NUDT6: variants seen among roughly 807,000 people sequenced by gnomAD.
NUDT6 encodes nudix hydrolase 6.
In NUDT6, 24 loss-of-function variants were observed where a neutral mutation model predicts 36.8. The observed-to-expected ratio is 0.65, with a 90% confidence interval of 0.47 to 0.92. NUDT6 has a LOEUF of 0.92. Among genes scored for constraint, NUDT6 ranks in the 40% least tolerant of loss-of-function variants. NUDT6 has a pLI of 0.00. For synonymous variants in NUDT6, 163 were observed against 157.0 expected (o/e 1.04, Z -0.29); for missense variants, 388 against 392.8 (o/e 0.99, Z 0.10).
chr4:122,917,973 C>A, intron 1 of NUDT6: 1 of 409,806 alleles, frequency 2.4e-6, no homozygotes, highest in South Asian at 2.9e-5. Context: ...ATGCTTGGCA[C>A]GTAACAGATG....
At chr4:122,919,109 C>T (rs888135109) in intron 1 of NUDT6, 1 of 152,268 alleles carries the variant, frequency 6.6e-6, no homozygotes, top group African/African-American at 2.4e-5. Flanking sequence ...GATGGCTGCC[C>T]AGCCCTGACC....
At chr4:122,900,064 C>CG (rs923900899) in intron 3 of NUDT6, among the ~76,000 whole-genome samples, 1 of 135,498 alleles carries the variant, frequency 7.4e-6, no homozygotes, top group African/African-American at 2.8e-5. Context: ...GCCACCCCCC[C>CG]CCCGGCCCCC....
At position 122,922,594 on chromosome 4, in the gene NUDT6, C is replaced by A. The variant is rs762372671; in HGVS notation, c.-22G>T. The A allele has an allele frequency of 2.5e-6, 4 of 1,579,050 alleles. No homozygotes were observed. Among genetic ancestry groups the A allele is most frequent in the Admixed American group, 1.7e-5 (1 of 58,450 alleles). Reference sequence around the variant, plus strand: ...GCATCTCCACGCCGCTTAATTCGTCCGTTGCCCAAATGACCCCTCCGCGCT... The same window carrying A: ...GCATCTCCACGCCGCTTAATTCGTCAGTTGCCCAAATGACCCCTCCGCGCT... On this transcript the variant is annotated 5_prime_UTR_variant, in exon 1 of 5. Coordinates refer to ENST00000304430, the MANE Select transcript of NUDT6 (RefSeq NM_007083.5).
intron 2 of NUDT6, among the ~76,000 whole-genome samples, chr4:122,915,478 A>AG (rs1560773807): frequency 1.2e-5 from 1 of 80,534 alleles, no homozygotes; most frequent in Non-Finnish European, 2.8e-5. Flanking sequence ...TCAAAAAAAA[A>AG]AAAAAAAAAA....
intron 3 of NUDT6, among the ~76,000 whole-genome samples, chr4:122,899,459 G>A (rs2150800502): frequency 6.6e-6 from 1 of 152,146 alleles, no homozygotes; most frequent in East Asian, 1.9e-4. Flanking sequence ...CACCACTTAG[G>A]TTTTTAAAAT....
intron 3 of NUDT6, among the ~76,000 whole-genome samples, chr4:122,911,643 C>T (rs944947236): frequency 6.6e-6 from 1 of 152,172 alleles, no homozygotes; most frequent in Admixed American, 6.5e-5. Context: ...TTTCAGCTAT[C>T]ATTACAAACA....
At chr4:122,919,423 G>A (rs1045957371) in intron 1 of NUDT6, 1 of 152,192 alleles carries the variant, frequency 6.6e-6, no homozygotes, top group African/African-American at 2.4e-5. Flanking sequence ...CATCATATTG[G>A]CCAGGATGGT....
chr4:122,899,995 T>C (rs1412336927), intron 3 of NUDT6, among the ~76,000 whole-genome samples: 1 of 151,620 alleles, frequency 6.6e-6, no homozygotes, highest in Non-Finnish European at 1.5e-5. Context: ...AGTACAGATT[T>C]AATGACAAAG....
intron 3 of NUDT6, among the ~76,000 whole-genome samples, chr4:122,902,089 T>C (rs1487579336): frequency 6.6e-6 from 1 of 152,224 alleles, no homozygotes; most frequent in African/African-American, 2.4e-5. Flanking sequence ...AATTCAGACC[T>C]ACTGTATTTA....
In NUDT6 at chr4:122,892,812, A is replaced by G. The variant is rs1727223354; in HGVS notation, c.*16T>C. On this transcript the variant is annotated 3_prime_UTR_variant, in exon 5 of 5. Transcript: ENST00000304430. The stretch of plus-strand genomic sequence containing the variant: ...CATTCGTTAGTCTACATGTTTCTAA[A>G]CATATAAATGTGAATTTAATCAATT... 6.4e-7 allele frequency: 1 copy of G among 1,565,818 alleles called. No homozygotes were observed. Among genetic ancestry groups the G allele is most frequent in the South Asian group, 1.2e-5 (1 of 83,798 alleles).
In NUDT6 at chr4:122,892,833, C is replaced by A. The variant is rs146460670; in HGVS notation, c.946G>T (p.Asp316Tyr). 2.5e-6 allele frequency: 4 copies of A among 1,592,400 alleles called. No homozygotes were observed. Among genetic ancestry groups the A allele is most frequent in the East Asian group, 2.2e-5 (1 of 44,820 alleles). The stretch of plus-strand genomic sequence containing the variant: ...CTAAACATATAAATGTGAATTTAAT[C>A]AATTCCTTTCATAGTTTTATAATTC... ...PENYKTMKGID is the reference protein window; with the variant it reads ...PENYKTMKGIY The change falls in exon 5 of 5, where the codon GAT becomes TAT. Residue 316 changes from aspartate (D) to tyrosine (Y), a missense_variant. Asp to Tyr is a radical substitution (Grantham distance 160, BLOSUM62 -3). Transcript: ENST00000304430.
rs559908072 is a variant in NUDT6, at chr4:122,905,937, C to G, written c.498+6631G>C. On this transcript the variant is annotated intron_variant, in intron 3 of 4. Transcript: ENST00000304430. The stretch of plus-strand genomic sequence containing the variant: ...CACTGTCCTAATATTATTAAATACT[C>G]TATCTTTTGCAGAGCCCTCAGGCAA... Among the ~76,000 whole-genome samples, 11 of 152,312 alleles carry G rather than the reference C, an allele frequency of 7.2e-5. 1 individual carries two copies. The South Asian group carries it at 2.3e-3, about 32-fold the overall frequency.
In NUDT6 at chr4:122,917,559, CCA is replaced by C. The variant is rs1273439109; in HGVS notation, c.382_383del (p.Trp128AlafsTer24). 2 of 1,614,178 alleles carry C rather than the reference CCA, an allele frequency of 1.2e-6. No individual in the cohort carries two copies. The highest frequency in any genetic ancestry group is 1.7e-4 in the Middle Eastern group (1 of 6,060). ...GTAATCTGCTGGGCCCTTCTCTCAGCCACAGAGTCAACGTTGATGAATCCGAT... is the reference window on the plus strand; with the variant it reads ...GTAATCTGCTGGGCCCTTCTCTCAGCCAGAGTCAACGTTGATGAATCCGAT... The part of the protein sequence containing the change: ...AESDSSTLTL[W>X]LREGPSRLPG... On this transcript the variant is annotated frameshift_variant, in exon 2 of 5. Coordinates refer to ENST00000304430, the MANE Select transcript of NUDT6 (RefSeq NM_007083.5). LOFTEE classifies it high-confidence loss of function.
intron 3 of NUDT6, among the ~76,000 whole-genome samples, chr4:122,911,702 T>C (rs1301475180): frequency 6.6e-6 from 1 of 152,224 alleles, no homozygotes; most frequent in South Asian, 2.1e-4. Flanking sequence ...TGTTTGACTA[T>C]GTCCACTAAT....
intron 4 of NUDT6, chr4:122,894,093 ACTGT>A (rs1158432748): frequency 4.6e-5 from 7 of 152,340 alleles, no homozygotes; most frequent in Admixed American, 2.0e-4. Flanking sequence ...GTGACTGTAG[ACTGT>A]CTTACCATAG....
chr4:122,893,507 C>T (rs1422655741), intron 4 of NUDT6: 2 of 285,064 alleles, frequency 7.0e-6, no homozygotes, highest in African/African-American at 4.3e-5. Flanking sequence ...TTTTTAACTT[C>T]TTGCTGCTCT....
At chr4:122,897,837 TTTC>T (rs1300056984) in intron 3 of NUDT6, 159 bp from the exon 4 acceptor site, 3 of 599,998 alleles carry the variant, frequency 5.0e-6, no homozygotes, top group South Asian at 4.4e-5. Flanking sequence ...TTCTCCCTCG[TTTC>T]TTCTTTTTTT....
intron 1 of NUDT6, chr4:122,920,718 G>A (rs955675949): frequency 1.3e-5 from 2 of 152,162 alleles, no homozygotes; most frequent in African/African-American, 2.4e-5. Flanking sequence ...AAGTATCAGT[G>A]GGTACAACAC....
intron 4 of NUDT6, chr4:122,897,372 A>T (rs1727394231): frequency 2.1e-6 from 1 of 466,218 alleles, no homozygotes; most frequent in African/African-American, 2.0e-5. Flanking sequence ...AGACAGATTA[A>T]TCCAGAAGCA....
Sources: gnomAD v4.1 joint callset for allele counts (sites outside exome capture counted in the v4.1 genomes callset) on GRCh38, gnomAD v4.1.1 for gene constraint, MANE v1.5 for transcripts, NCBI Gene and HGNC (gene_info 2026-07-23, HGNC 2026-07-21) for gene names.